The following PEMT variants were observed in gnomAD, a reference collection of about 807,000 sequenced individuals.
The protein encoded by PEMT is phosphatidylethanolamine N-methyltransferase.
PEMT carries 23 observed loss-of-function variants against 27.4 expected under a neutral mutation model. That is an observed-to-expected ratio of 0.84 (90% confidence interval 0.60 to 1.19). The LOEUF is 1.19. Ranked by LOEUF, PEMT falls within the 50% of genes most tolerant of loss-of-function variation. The probability of loss-of-function intolerance (pLI) is 0.00; values close to 1 mark genes in which losing one functional copy is unlikely to be tolerated. For missense variants in PEMT, 307 were observed against 310.1 expected (o/e 0.99, Z 0.07); for synonymous variants, 137 against 139.1 (o/e 0.98, Z 0.11).
At chr17:17,537,950 C>T (rs1908601722) in intron 2 of PEMT, among the ~76,000 whole-genome samples, 1 of 152,236 alleles carries the variant, frequency 6.6e-6, no homozygotes, top group Admixed American at 6.5e-5. Flanking sequence ...AACCTGCCAC[C>T]TCCAGGGAAG....
intron 2 of PEMT, among the ~76,000 whole-genome samples, chr17:17,548,094 G>C (rs1175954119): frequency 1.3e-5 from 2 of 152,226 alleles, no homozygotes; most frequent in Non-Finnish European, 2.9e-5. Context: ...ATACCCATTA[G>C]GTTCCAGCCT....
intron 2 of PEMT, among the ~76,000 whole-genome samples, chr17:17,568,295 G>A (rs1351441492): frequency 2.0e-5 from 3 of 152,084 alleles, no homozygotes; most frequent in East Asian, 1.9e-4. Flanking sequence ...CAGCCCCCAC[G>A]ACCCTGTCTC....
rs143575083 is a variant in PEMT, at chr17:17,551,467, G to C, written c.204+25453C>G. On this transcript the variant is annotated intron_variant, in intron 2 of 6. Coordinates refer to ENST00000255389, the MANE Select transcript of PEMT (RefSeq NM_148172.3). Reference sequence around the variant, plus strand: ...CCCAGCAGGGTGGAGAAGCTGGCGCGGGCTTGCAGGCCTCCACAGCAGCCC... The same window carrying C: ...CCCAGCAGGGTGGAGAAGCTGGCGCCGGCTTGCAGGCCTCCACAGCAGCCC... 4.6e-5 allele frequency among the ~76,000 whole-genome samples: 7 copies of C among 152,342 alleles called. No homozygotes were observed. The East Asian group carries it at 9.6e-4, about 21-fold the overall frequency.
intron 5 of PEMT, among the ~76,000 whole-genome samples, chr17:17,506,635 G>A (rs1905877520): frequency 6.6e-6 from 1 of 152,218 alleles, no homozygotes; most frequent in East Asian, 1.9e-4. Flanking sequence ...AAGAGTCCCA[G>A]TGGCTAGGGC....
At chr17:17,538,085 C>T (rs2142587073) in intron 2 of PEMT, among the ~76,000 whole-genome samples, 1 of 152,234 alleles carries the variant, frequency 6.6e-6, no homozygotes, top group East Asian at 1.9e-4. Flanking sequence ...AACGCTGCAA[C>T]AGGGGGCCAG....
chr17:17,579,798 C>T (rs1159849981), intron 1 of PEMT, among the ~76,000 whole-genome samples: 2 of 152,204 alleles, frequency 1.3e-5, no homozygotes, highest in African/African-American at 4.8e-5. Flanking sequence ...GAAAGAGTGG[C>T]CACGGCAGCA....
chr17:17,536,754 C>G (rs1348922676), intron 2 of PEMT, among the ~76,000 whole-genome samples: 1 of 152,236 alleles, frequency 6.6e-6, no homozygotes, highest in African/African-American at 2.4e-5. Flanking sequence ...GACTCATGCT[C>G]TGTGCTCCCT....
chr17:17,585,064 G>A (rs959539043), intron 1 of PEMT, among the ~76,000 whole-genome samples: 1 of 152,240 alleles, frequency 6.6e-6, no homozygotes, highest in Admixed American at 6.5e-5. Flanking sequence ...GTGGCCAGGC[G>A]CGGTGGCTCA....
chr17:17,581,081 G>C (rs1911947550), intron 1 of PEMT, among the ~76,000 whole-genome samples: 1 of 152,158 alleles, frequency 6.6e-6, no homozygotes, highest in African/African-American at 2.4e-5. Context: ...GCATTTTCCA[G>C]GGCCAGGAAA....
rs1443058011 is a variant in PEMT, at chr17:17,591,606, C to T, written c.21G>A (p.Pro7=). The part of the protein sequence containing the change: MKRSGN[P]GAEVTNSSVA... ...CCGAGCTGTTCGTTACCTCGGCTCCCGGGTTCCCAGATCTCTTCATCCGGG... is the reference window on the plus strand; with the variant it reads ...CCGAGCTGTTCGTTACCTCGGCTCCTGGGTTCCCAGATCTCTTCATCCGGG... The change falls in exon 1 of 7, where the codon CCG becomes CCA. Residue 7 remains proline, a synonymous_variant. Transcript: ENST00000255389. 1.2e-6 allele frequency: 2 copies of T among 1,613,006 alleles called. No individual in the cohort carries two copies. The highest frequency in any genetic ancestry group is 1.7e-6 in the Non-Finnish European group (2 of 1,179,632).
intron 2 of PEMT, among the ~76,000 whole-genome samples, chr17:17,569,119 T>C (rs539935508): frequency 6.6e-6 from 1 of 152,302 alleles, no homozygotes; most frequent in Admixed American, 6.5e-5. Flanking sequence ...GGAAAGAGAC[T>C]CTCAGGCTAA....
chr17:17,566,966 C>T (rs1167835049), intron 2 of PEMT, among the ~76,000 whole-genome samples: 1 of 152,242 alleles, frequency 6.6e-6, no homozygotes, highest in Non-Finnish European at 1.5e-5. Flanking sequence ...ATGTCTACAC[C>T]AAACCCTACT....
chr17:17,543,387 C>T (rs1306390520), intron 2 of PEMT, among the ~76,000 whole-genome samples: 1 of 152,234 alleles, frequency 6.6e-6, no homozygotes, highest in Non-Finnish European at 1.5e-5. Flanking sequence ...AGTGGCCCTT[C>T]CAAGCATGTG....
chr17:17,533,553 G>A (rs555746270), intron 2 of PEMT, among the ~76,000 whole-genome samples: 1 of 152,240 alleles, frequency 6.6e-6, no homozygotes, highest in East Asian at 1.9e-4. Context: ...CCCACAGAAT[G>A]GGTGAACATA....
intron 2 of PEMT, among the ~76,000 whole-genome samples, chr17:17,572,975 G>A (rs913694085): frequency 2.5e-4 from 37 of 149,752 alleles, no homozygotes; most frequent in African/African-American, 7.9e-4. Flanking sequence ...GATCACCTGA[G>A]GTCAGGAGTT....
At chr17:17,556,378 CT>C (rs11301881) in intron 2 of PEMT, among the ~76,000 whole-genome samples, 90,495 of 145,618 alleles carry the variant, frequency 0.62, 28,596 homozygotes, top group African/African-American at 0.78. Context: ...CTCTCTCTCA[CT>C]TTTTTTTTTT....
chr17:17,548,175 G>A (rs1046519638), intron 2 of PEMT, among the ~76,000 whole-genome samples: 1 of 152,244 alleles, frequency 6.6e-6, no homozygotes, highest in Non-Finnish European at 1.5e-5. Flanking sequence ...CATGGCGGCA[G>A]TCCACAGATG....
rs1239784264 is a variant in PEMT at position 17,591,700 on chromosome 17, CG to C, written c.-75del. On this transcript the variant is annotated 5_prime_UTR_variant, in exon 1 of 7. Transcript: ENST00000255389. ...GCCCCCGGAACCGGACCTATAGAGCCGGGTAAGTGCCGCCAGTCGGGGCGCT... is the reference window on the plus strand; with the variant it reads ...GCCCCCGGAACCGGACCTATAGAGCCGGTAAGTGCCGCCAGTCGGGGCGCT... 18 of 1,519,536 alleles carry C rather than the reference CG, an allele frequency of 1.2e-5. No homozygotes were observed. Among genetic ancestry groups the C allele is most frequent in the Non-Finnish European group, 1.5e-5 (17 of 1,130,406 alleles). The allele number at this position is 1,519,536 out of a possible 1,614,324, so 94.1% of individuals were successfully genotyped here. A position where few individuals can be genotyped will look rare whatever the true frequency, so the allele number is the denominator to read the frequency against.
At chr17:17,578,352 CA>C (rs1911758961) in intron 1 of PEMT, among the ~76,000 whole-genome samples, 2 of 151,314 alleles carry the variant, frequency 1.3e-5, no homozygotes, top group African/African-American at 4.9e-5. Context: ...CCTGTCTCTA[CA>C]AAAATGTAAA....
Sources: gnomAD v4.1 joint callset for allele counts (sites outside exome capture counted in the v4.1 genomes callset) on GRCh38, gnomAD v4.1.1 for gene constraint, MANE v1.5 for transcripts, NCBI Gene and HGNC (gene_info 2026-07-23, HGNC 2026-07-21) for gene names.